PRKCZ: variants seen among roughly 807,000 people sequenced by gnomAD.
The protein encoded by PRKCZ is protein kinase C zeta.
PRKCZ carries 33 observed loss-of-function variants against 79.5 expected under a neutral mutation model. The observed-to-expected ratio is 0.41, with a 90% CI of 0.31 to 0.55. The LOEUF (loss-of-function observed/expected upper bound fraction) is 0.55. PRKCZ is among the 20% of genes least tolerant of loss of function. PRKCZ has a pLI of 0.19. For synonymous variants in PRKCZ, 342 were observed against 320.9 expected (o/e 1.07, Z -0.70); for missense variants, 578 against 813.5 (o/e 0.71, Z 3.52).
rs1674130783 is a variant in PRKCZ, at chr1:2,127,388, T to A, written c.335-7874T>A. Among the ~76,000 whole-genome samples, 1 of 151,856 alleles carries A rather than the reference T, an allele frequency of 6.6e-6. No individual in the cohort carries two copies. Among genetic ancestry groups the A allele is most frequent in the African/African-American group, 2.4e-5 (1 of 41,216 alleles). On this transcript the variant is annotated intron_variant, in intron 4 of 17. Transcript: ENST00000378567. The surrounding 1 kb of genome is among the most constrained non-coding windows in gnomAD (Gnocchi z 5.1). ...GTCCCTCAGATGGAGGGGCTGCACC[T>A]CCACTGCCCCCCCCACCGCCGCCCC...
rs1423903329 is a variant in PRKCZ, at chr1:2,144,321, C to T, written c.532C>T (p.Leu178=). 1 of 1,575,726 alleles carries T rather than the reference C, an allele frequency of 6.3e-7. No individual in the cohort carries two copies. The highest frequency in any genetic ancestry group is 8.6e-7 in the Non-Finnish European group (1 of 1,160,342). ...TAAGCGCTGCCACGGCCTCGTCCCGCTGACCTGCAGGAAGCATATGGTGAG... is the reference window on the plus strand; with the variant it reads ...TAAGCGCTGCCACGGCCTCGTCCCGTTGACCTGCAGGAAGCATATGGTGAG... ...VHKRCHGLVP[L]TCRKHMDSVM... Residue 178 remains leucine (L), a synonymous_variant, in exon 6 of 18, where the codon CTG becomes TTG. Coordinates refer to ENST00000378567, the MANE Select transcript of PRKCZ (RefSeq NM_002744.6).
intron 3 of PRKCZ, among the ~76,000 whole-genome samples, chr1:2,058,426 T>G (rs189973919): frequency 3.3e-5 from 5 of 151,804 alleles, no homozygotes; most frequent in Admixed American, 3.3e-4. Context: ...TACAGTGAAC[T>G]GTGATTATTC....
Position 2,100,366 on chromosome 1 carries a change from T to C in PRKCZ, c.335-34896T>C, listed in dbSNP as rs570002715. ...GCACAAGCTGCCAGCCAGACCTCTGTCTGTCCCTGCCCAGAGGCCCCAGCT... is the reference window on the plus strand; with the variant it reads ...GCACAAGCTGCCAGCCAGACCTCTGCCTGTCCCTGCCCAGAGGCCCCAGCT... On this transcript the variant is annotated intron_variant, in intron 4 of 17. Coordinates refer to ENST00000378567, the MANE Select transcript of PRKCZ (RefSeq NM_002744.6). Among the ~76,000 whole-genome samples the C allele has an allele frequency of 2.0e-5, 3 of 152,336 alleles. No homozygotes were observed. In the East Asian group the frequency reaches 5.8e-4, roughly 29 times the overall value.
chr1:2,159,026 C>T (rs1449580009), intron 10 of PRKCZ, among the ~76,000 whole-genome samples: 1 of 151,996 alleles, frequency 6.6e-6, no homozygotes, highest in East Asian at 1.9e-4. Context: ...CCCTGGTTCA[C>T]GCCATTCTCC....
chr1:2,068,911 G>A (rs1158892890), intron 4 of PRKCZ, among the ~76,000 whole-genome samples: 1 of 152,166 alleles, frequency 6.6e-6, no homozygotes, highest in Non-Finnish European at 1.5e-5. Context: ...GGTGCTCAGC[G>A]GAACTGAGAC....
chr1:2,073,786 G>A (rs1054089300), intron 4 of PRKCZ: 14 of 1,018,720 alleles, frequency 1.4e-5, no homozygotes, highest in Middle Eastern at 4.9e-4. Flanking sequence ...TGCTCCTCGC[G>A]CTCGAGCCTC....
At chr1:2,118,118 T>G (rs1225159104) in intron 4 of PRKCZ, among the ~76,000 whole-genome samples, 1 of 149,660 alleles carries the variant, frequency 6.7e-6, no homozygotes, top group African/African-American at 2.5e-5. Flanking sequence ...TGCCTGAGCC[T>G]CCTGAGTAGT....
chr1:2,068,515 G>A (rs955506629), intron 4 of PRKCZ, among the ~76,000 whole-genome samples: 1 of 152,104 alleles, frequency 6.6e-6, no homozygotes, highest in Non-Finnish European at 1.5e-5. Context: ...GTCGGCTTTG[G>A]GGCCCACCAG....
At chr1:2,137,525 G>A (rs1298963656) in intron 5 of PRKCZ, among the ~76,000 whole-genome samples, 3 of 152,178 alleles carry the variant, frequency 2.0e-5, no homozygotes, top group Admixed American at 6.5e-5. Flanking sequence ...TGGTAGCTGC[G>A]GGCAGCCTTG....
intron 5 of PRKCZ, among the ~76,000 whole-genome samples, chr1:2,140,178 A>G (rs1442274053): frequency 6.6e-6 from 1 of 152,256 alleles, no homozygotes; most frequent in Non-Finnish European, 1.5e-5. Flanking sequence ...TTTTCAAGCC[A>G]GCATCAAAGA....
rs1442499935 is a variant in PRKCZ at position 2,172,467 on chromosome 1, A to T, written c.1285+79A>T. ...CGGGCCTGGCCCAGCAGCCAGGGAG[A>T]GGTGTCCTTGACCATCTTACACCCA... On this transcript the variant is annotated intron_variant, in intron 13 of 17. Transcript: ENST00000378567. The surrounding 1 kb of genome is among the most constrained non-coding windows in gnomAD (Gnocchi z 7.8). 1 of 1,448,834 alleles carries T rather than the reference A, an allele frequency of 6.9e-7. No individual in the cohort carries two copies. The highest frequency in any genetic ancestry group is 9.3e-7 in the Non-Finnish European group (1 of 1,072,426). 89.7% of individuals were successfully genotyped at this position (1,448,834 alleles called of 1,614,324 possible).
At chr1:2,171,777 C>T (rs1023273763) in intron 11 of PRKCZ, 16 of 438,246 alleles carry the variant, frequency 3.7e-5, no homozygotes, top group Non-Finnish European at 5.3e-5. Flanking sequence ...TGGAAGCTGT[C>T]GTGTTATTTG....
At chr1:2,120,614 TA>T (rs1671702620) in intron 4 of PRKCZ, among the ~76,000 whole-genome samples, 1 of 151,842 alleles carries the variant, frequency 6.6e-6, no homozygotes. Flanking sequence ...GCTTTTCAAA[TA>T]GCATCCTGTT....
At chr1:2,112,271 C>A (rs143859028) in intron 4 of PRKCZ, among the ~76,000 whole-genome samples, 128 of 152,274 alleles carry the variant, frequency 8.4e-4, no homozygotes, top group Non-Finnish European at 1.4e-3. Context: ...AGACATGATC[C>A]TTATGTGGGT....
rs1312091729 is a variant in PRKCZ, at chr1:2,055,426, TC to T, written c.72-11del. The T allele has an allele frequency of 4.4e-6, 7 of 1,596,206 alleles. No individual in the cohort carries two copies. Among genetic ancestry groups the T allele is most frequent in the Middle Eastern group, 1.7e-4 (1 of 6,014 alleles). On this transcript the variant is annotated splice_polypyrimidine_tract_variant and intron_variant, in intron 1 of 17. Transcript: ENST00000378567. ...TGCCCCACGGTAACAGATGCCCATGTCCCCTCTGCCCCAGGGACATCTTCAT... is the reference window on the plus strand; with the variant it reads ...TGCCCCACGGTAACAGATGCCCATGTCCCTCTGCCCCAGGGACATCTTCAT...
At chr1:2,106,189 G>A (rs547045691) in intron 4 of PRKCZ, among the ~76,000 whole-genome samples, 11 of 152,360 alleles carry the variant, frequency 7.2e-5, no homozygotes, top group African/African-American at 2.6e-4. Context: ...GGGAAGGACA[G>A]GGCCGGACCC....
At chr1:2,176,294 G>A (rs1285435720) in intron 16 of PRKCZ, among the ~76,000 whole-genome samples, 1 of 152,184 alleles carries the variant, frequency 6.6e-6, no homozygotes, top group Non-Finnish European at 1.5e-5. Flanking sequence ...CCGGACTGTA[G>A]GCTGGCGTGT....
intron 4 of PRKCZ, chr1:2,074,338 T>C: frequency 6.5e-7 from 1 of 1,544,612 alleles, no homozygotes. Flanking sequence ...GCCGGGGGGC[T>C]TGGGGAAATC....
At chr1:2,050,785 G>A (rs1659566357) in intron 1 of PRKCZ, 84 bp downstream of exon 1, 6 of 920,838 alleles carry the variant, frequency 6.5e-6, no homozygotes, top group Non-Finnish European at 7.1e-6. Flanking sequence ...CTGCGCGAGA[G>A]GGAGAGAGGG....
Sources: gnomAD v4.1 joint callset for allele counts (sites outside exome capture counted in the v4.1 genomes callset) on GRCh38, gnomAD v4.1.1 for gene constraint, Gnocchi (gnomAD v3.1) non-coding constraint, MANE v1.5 for transcripts, NCBI Gene and HGNC (gene_info 2026-07-23, HGNC 2026-07-21) for gene names.